The following EPHB1 variants were observed in gnomAD, a reference collection of about 807,000 sequenced individuals.
EPHB1 encodes ephrin type-B receptor 1.
In EPHB1, 30 loss-of-function variants were observed where a neutral mutation model predicts 94.4. The ratio of observed to expected loss-of-function variants is 0.32; its 90% CI spans 0.24 to 0.43. EPHB1 has a LOEUF of 0.43. Ranked by LOEUF, EPHB1 falls within the 20% of genes least tolerant of loss-of-function variation. The probability of loss-of-function intolerance (pLI) is 1.00; values close to 1 mark genes in which losing one functional copy is unlikely to be tolerated. For synonymous variants in EPHB1, 522 were observed against 489.1 expected (o/e 1.07, Z -0.89); for missense variants, 1,055 against 1,308.3 (o/e 0.81, Z 2.99).
At chr3:134,840,779 G>A (rs886189236) in intron 1 of EPHB1, among the ~76,000 whole-genome samples, 2 of 152,170 alleles carry the variant, frequency 1.3e-5, no homozygotes, top group African/African-American at 4.8e-5. Context: ...TTGTAAATAT[G>A]AGGTCTCTGA....
chr3:134,839,869 G>A (rs542731356), intron 1 of EPHB1, among the ~76,000 whole-genome samples: 3 of 152,286 alleles, frequency 2.0e-5, no homozygotes, highest in South Asian at 4.2e-4. Flanking sequence ...TAATAAACAA[G>A]TGAAAGGCTG....
chr3:135,054,027 A>ATG, intron 3 of EPHB1, among the ~76,000 whole-genome samples: 1 of 95,024 alleles, frequency 1.1e-5, no homozygotes, highest in Non-Finnish European at 2.3e-5. Context: ...GTGTCTGCAT[A>ATG]TATATATATA....
At chr3:134,799,480 T>C (rs577353125) in intron 1 of EPHB1, among the ~76,000 whole-genome samples, 1 of 152,368 alleles carries the variant, frequency 6.6e-6, no homozygotes, top group African/African-American at 2.4e-5. Flanking sequence ...TCAGTGTTTG[T>C]GGAGCTGCCT....
intron 3 of EPHB1, among the ~76,000 whole-genome samples, chr3:135,076,174 G>C (rs1937904265): frequency 6.7e-6 from 1 of 149,770 alleles, no homozygotes; most frequent in African/African-American, 2.5e-5. Flanking sequence ...ACAATCCATA[G>C]GTGAAACATT....
At chr3:134,984,652 G>A (rs1292492054) in intron 3 of EPHB1, among the ~76,000 whole-genome samples, 1 of 152,134 alleles carries the variant, frequency 6.6e-6, no homozygotes, top group East Asian at 1.9e-4. Flanking sequence ...GCCCCAGAGA[G>A]GGAAGGGCCC....
chr3:134,821,625 G>A (rs1361949120), intron 1 of EPHB1, among the ~76,000 whole-genome samples: 1 of 152,126 alleles, frequency 6.6e-6, no homozygotes, highest in Non-Finnish European at 1.5e-5. Context: ...GGCTGATTGT[G>A]TAATAAAGAA....
intron 1 of EPHB1, among the ~76,000 whole-genome samples, chr3:134,865,127 C>T (rs139009371): frequency 1.1e-3 from 165 of 151,946 alleles, no homozygotes; most frequent in Middle Eastern, 6.8e-3. Flanking sequence ...TGTGTGTTTT[C>T]TGGATAGATA....
chr3:134,802,133 G>A (rs937045434), intron 1 of EPHB1, among the ~76,000 whole-genome samples: 2 of 152,134 alleles, frequency 1.3e-5, no homozygotes, highest in Admixed American at 1.3e-4. Context: ...GGTAGAAGCA[G>A]TGGTAGAAGC....
intron 1 of EPHB1, among the ~76,000 whole-genome samples, chr3:134,882,765 C>CCTTTCTTTCTTTTTTCTTTCTTT (rs10635632): frequency 0.079 from 6,226 of 79,254 alleles, 1,062 homozygotes; most frequent in East Asian, 0.13. Flanking sequence ...TTCCTTCCTT[C>CCTTTCTTTCTTTTTTCTTTCTTT]CTTTCTTTCT....
intron 12 of EPHB1, among the ~76,000 whole-genome samples, chr3:135,229,743 A>T (rs1435786877): frequency 2.6e-5 from 4 of 152,178 alleles, no homozygotes; most frequent in African/African-American, 9.7e-5. Context: ...ATCCACTGGA[A>T]TCAGCAGCCC....
intron 2 of EPHB1, among the ~76,000 whole-genome samples, chr3:134,938,563 T>C (rs925466961): frequency 6.6e-6 from 1 of 152,002 alleles, no homozygotes; most frequent in Non-Finnish European, 1.5e-5. Context: ...CATATATCAA[T>C]GATAGATGCA....
At chr3:134,946,466 C>T (rs1211526215) in intron 2 of EPHB1, among the ~76,000 whole-genome samples, 3 of 152,180 alleles carry the variant, frequency 2.0e-5, no homozygotes, top group Non-Finnish European at 2.9e-5. Flanking sequence ...CTTTGTTTGG[C>T]CCAGAGGCTC....
chr3:135,114,940 C>G (rs1439807609), intron 4 of EPHB1, among the ~76,000 whole-genome samples: 1 of 152,036 alleles, frequency 6.6e-6, no homozygotes, highest in African/African-American at 2.4e-5. Context: ...TATTTGTATA[C>G]TTTTAGAAGT....
intron 1 of EPHB1, among the ~76,000 whole-genome samples, chr3:134,882,510 G>A (rs1274946997): frequency 6.6e-6 from 1 of 152,158 alleles, no homozygotes; most frequent in Non-Finnish European, 1.5e-5. Context: ...AATAATTAAA[G>A]CTATAAAAAA....
intron 1 of EPHB1, among the ~76,000 whole-genome samples, chr3:134,890,915 G>A (rs1253234342): frequency 6.6e-6 from 1 of 151,990 alleles, no homozygotes; most frequent in Non-Finnish European, 1.5e-5. Flanking sequence ...TTAATAGCCT[G>A]CCTTTTTACC....
chr3:134,936,077 G>T (rs2038995662), intron 2 of EPHB1, among the ~76,000 whole-genome samples: 1 of 152,138 alleles, frequency 6.6e-6, no homozygotes, highest in South Asian at 2.1e-4. Flanking sequence ...CTTTGCCCCT[G>T]AAGGAGTGTG....
At chr3:134,889,658 G>A (rs9874454) in intron 1 of EPHB1, among the ~76,000 whole-genome samples, 34,621 of 151,064 alleles carry the variant, frequency 0.23, 4,743 homozygotes, top group Non-Finnish European at 0.31. Flanking sequence ...AGTTTTCCTG[G>A]TTATTCTTGC....
intron 3 of EPHB1, among the ~76,000 whole-genome samples, chr3:135,093,246 G>T (rs1938622087): frequency 6.6e-6 from 1 of 152,150 alleles, no homozygotes; most frequent in Non-Finnish European, 1.5e-5. Context: ...GAGACATGAT[G>T]GTTCACAGAA....
intron 3 of EPHB1, among the ~76,000 whole-genome samples, chr3:135,007,742 A>T (rs938665662): frequency 1.3e-5 from 2 of 152,190 alleles, no homozygotes; most frequent in East Asian, 3.8e-4. Context: ...TTCAATCCCC[A>T]CGTGATCAGT....
Sources: allele counts gnomAD v4.1 joint callset (sites outside exome capture counted in the v4.1 genomes callset), GRCh38; gene constraint gnomAD v4.1.1; transcripts MANE v1.5; gene names NCBI Gene and HGNC (gene_info 2026-07-23, HGNC 2026-07-21).